Variants in TMED8 observed in about 807,000 individuals in gnomAD.
TMED8 encodes transmembrane p24 trafficking protein family member 8, also known as protein TMED8.
In TMED8, 15 loss-of-function variants were observed where a neutral mutation model predicts 32.7. The ratio of observed to expected loss-of-function variants is 0.46; its 90% confidence interval spans 0.31 to 0.71. TMED8 has a LOEUF of 0.71. Among genes scored for constraint, TMED8 ranks in the 30% least tolerant of loss-of-function variants. The probability of loss-of-function intolerance (pLI) is 0.06; values close to 1 mark genes in which losing one functional copy is unlikely to be tolerated. For missense variants in TMED8, 390 were observed against 423.9 expected (o/e 0.92, Z 0.70); for synonymous variants, 147 against 161.4 (o/e 0.91, Z 0.68).
intron 1 of TMED8, 144 bp from the exon 2 acceptor site, chr14:77,351,895 A>G: frequency 1.9e-6 from 1 of 532,518 alleles, no homozygotes; most frequent in Non-Finnish European, 3.2e-6. Flanking sequence ...CAGAGGCCCA[A>G]CACATAAATT....
chr14:77,343,300 T>A lies in TMED8; in HGVS notation c.638A>T (p.Tyr213Phe). 6.2e-7 allele frequency: 1 copy of A among 1,614,220 alleles called. No homozygotes were observed. The highest frequency in any genetic ancestry group is 8.5e-7 in the Non-Finnish European group (1 of 1,180,040). Residue 213 changes from tyrosine to phenylalanine, a missense_variant, in exon 5 of 6, where the codon TAT (tyrosine) becomes TTT (phenylalanine). By Grantham distance (22) the Tyr-to-Phe change is conservative. Transcript: ENST00000216468. ...AAAATAAACTCCAAAGCCAATGTCA[T>A]AGTCATCGGTCGCAAACTCCCAGCA... ...RVCWEFATDD[Y>F]DIGFGVYFDW...
At chr14:77,343,632 TCTGC>T in intron 4 of TMED8, 61 bp downstream of exon 4, 1 of 1,600,288 alleles carries the variant, frequency 6.2e-7, no homozygotes, top group Non-Finnish European at 8.5e-7. Context: ...CATTTGTCTG[TCTGC>T]CTGCCTTTCT....
At chr14:77,354,691 T>C (rs1014183142) in intron 1 of TMED8, among the ~76,000 whole-genome samples, 8 of 152,308 alleles carry the variant, frequency 5.3e-5, no homozygotes, top group African/African-American at 1.9e-4. Context: ...CAGTGGCTCA[T>C]GCCTGTAATC....
chr14:77,351,790 G>A (rs1893186207), intron 1 of TMED8, 39 bp from the exon 2 acceptor site: 2 of 1,528,220 alleles, frequency 1.3e-6, no homozygotes, highest in Non-Finnish European at 1.8e-6. Context: ...ATATCTGAGA[G>A]GGAATACAAT....
rs780284722 is a variant in TMED8, at chr14:77,346,382, C to G, written c.294G>C (p.Leu98Phe). The G allele has an allele frequency of 1.2e-6, 2 of 1,614,150 alleles. No individual in the cohort carries two copies. The highest frequency in any genetic ancestry group is 1.7e-6 in the Non-Finnish European group (2 of 1,180,034). The change falls in exon 3 of 6, where the codon TTG (leucine) becomes TTC (phenylalanine). Residue 98 changes from leucine to phenylalanine, a missense_variant. Leu to Phe is a conservative substitution (Grantham distance 22). Transcript: ENST00000216468. Reference protein sequence around the residue: ...LEAQALVKQDLLPADQAQVLN... With the variant: ...LEAQALVKQDFLPADQAQVLN... ...GGACCTGGGCCTGGTCTGCAGGCAGCAAATCCTGTTTCACCAAGGCCTGAG... is the reference window on the plus strand; with the variant it reads ...GGACCTGGGCCTGGTCTGCAGGCAGGAAATCCTGTTTCACCAAGGCCTGAG...
chr14:77,343,552 G>C (rs1319507680), intron 4 of TMED8, 69 bp from the exon 5 acceptor site: 1 of 1,586,670 alleles, frequency 6.3e-7, no homozygotes, highest in Non-Finnish European at 8.6e-7. Flanking sequence ...ATTTTGCTAA[G>C]AGAGGCTGGC....
At chr14:77,366,591 G>A (rs990571973) in intron 1 of TMED8, among the ~76,000 whole-genome samples, 2 of 152,114 alleles carry the variant, frequency 1.3e-5, no homozygotes, top group Non-Finnish European at 2.9e-5. Context: ...AAAAATTCCT[G>A]GATAGAATTT....
intron 1 of TMED8, among the ~76,000 whole-genome samples, chr14:77,369,328 G>A (rs372631482): frequency 1.3e-4 from 20 of 152,296 alleles, no homozygotes; most frequent in African/African-American, 4.8e-4. Flanking sequence ...GAGTGTCTTT[G>A]CTATTTGTGG....
At chr14:77,344,799 T>C (rs1022625289) in intron 3 of TMED8, among the ~76,000 whole-genome samples, 25 of 152,218 alleles carry the variant, frequency 1.6e-4, no homozygotes, top group Non-Finnish European at 1.8e-4. Flanking sequence ...TCTCATAATA[T>C]CTGTTTCTGG....
At chr14:77,365,479 C>A (rs943301265) in intron 1 of TMED8, among the ~76,000 whole-genome samples, 1 of 152,078 alleles carries the variant, frequency 6.6e-6, no homozygotes, top group African/African-American at 2.4e-5. Context: ...GCACTGAATT[C>A]AAAAATGACC....
At chr14:77,361,573 T>C (rs913900990) in intron 1 of TMED8, among the ~76,000 whole-genome samples, 4 of 152,242 alleles carry the variant, frequency 2.6e-5, no homozygotes, top group Non-Finnish European at 5.9e-5. Flanking sequence ...ATACAAATTT[T>C]AGAATTGTTT....
At chr14:77,374,115 T>G (rs114726936) in intron 1 of TMED8, among the ~76,000 whole-genome samples, 117 of 152,328 alleles carry the variant, frequency 7.7e-4, no homozygotes, top group African/African-American at 2.7e-3. Flanking sequence ...AATATCCAAT[T>G]CCATTTCTTA....
intron 2 of TMED8, among the ~76,000 whole-genome samples, chr14:77,346,896 T>G (rs1893061714): frequency 6.6e-6 from 1 of 151,966 alleles, no homozygotes; most frequent in Non-Finnish European, 1.5e-5. Flanking sequence ...TAAATTGAGC[T>G]AATTAACATA....
At chr14:77,365,876 T>C (rs1893541117) in intron 1 of TMED8, among the ~76,000 whole-genome samples, 1 of 152,132 alleles carries the variant, frequency 6.6e-6, no homozygotes, top group Non-Finnish European at 1.5e-5. Flanking sequence ...ATAGGTAGGA[T>C]GGATTTTACG....
At chr14:77,352,796 A>C (rs938393396) in intron 1 of TMED8, among the ~76,000 whole-genome samples, 7 of 152,228 alleles carry the variant, frequency 4.6e-5, no homozygotes, top group Non-Finnish European at 1.0e-4. Context: ...CAGATGGTTA[A>C]ATTAGGCAGA....
intron 1 of TMED8, among the ~76,000 whole-genome samples, chr14:77,361,029 T>G (rs1893423668): frequency 7.1e-6 from 1 of 141,498 alleles, no homozygotes; most frequent in Non-Finnish European, 1.5e-5. Context: ...CAGGCTGGAG[T>G]GCAGTGACAC....
Position 77,339,403 on chromosome 14 carries a change from A to G in TMED8, c.*2368T>C, listed in dbSNP as rs560933709. On this transcript the variant is annotated 3_prime_UTR_variant, in exon 6 of 6. Coordinates refer to ENST00000216468, the MANE Select transcript of TMED8 (RefSeq NM_213601.3). ...ATGCAACAGAACTAGGATTCCAAAG[A>G]AAATAAGCAGAGAATCTCATGGTGA... The G allele has an allele frequency of 9.2e-4, 140 of 152,340 alleles. 1 individual carries two copies. The highest frequency in any genetic ancestry group is 3.3e-3 in the African/African-American group (137 of 41,568). 9.4% of individuals were successfully genotyped at this position (152,340 alleles called of 1,614,324 possible). A position where few individuals can be genotyped will look rare whatever the true frequency, so the allele number is the denominator to read the frequency against.
chr14:77,343,098 G>T, intron 5 of TMED8, 80 bp downstream of exon 5: 1 of 1,387,680 alleles, frequency 7.2e-7, no homozygotes, highest in Admixed American at 2.0e-5. Context: ...AGGAAGAGGA[G>T]GACTGGTACA....
intron 1 of TMED8, among the ~76,000 whole-genome samples, chr14:77,353,636 T>C (rs78799308): frequency 6.6e-6 from 1 of 151,512 alleles, no homozygotes; most frequent in Non-Finnish European, 1.5e-5. Flanking sequence ...TTTTTTTTTT[T>C]GTAGAGATGG....
Sources: gnomAD v4.1 joint callset for allele counts (sites outside exome capture counted in the v4.1 genomes callset) on GRCh38, gnomAD v4.1.1 for gene constraint, MANE v1.5 for transcripts, NCBI Gene and HGNC (gene_info 2026-07-23, HGNC 2026-07-21) for gene names.